Variants in TMEM232 observed in about 807,000 individuals in gnomAD.
TMEM232 encodes the protein transmembrane protein 232.
In TMEM232, 80 loss-of-function variants were observed where a neutral mutation model predicts 78.8. That is an observed-to-expected ratio of 1.01 (90% confidence interval 0.85 to 1.22). The LOEUF is 1.22. TMEM232 is among the 50% of genes most tolerant of loss of function. The probability of loss-of-function intolerance (pLI) is 0.00; values close to 1 mark genes in which losing one functional copy is unlikely to be tolerated. For missense variants in TMEM232, 881 were observed against 742.2 expected, an observed-to-expected ratio of 1.19 and a Z score of -2.17; for synonymous variants, 297 against 254.3, an observed-to-expected ratio of 1.17 and a Z score of -1.60.
chr5:110,426,915 T>A (rs1044544632), intron 12 of TMEM232, among the ~76,000 whole-genome samples: 4 of 151,998 alleles, frequency 2.6e-5, no homozygotes, highest in African/African-American at 9.7e-5. Flanking sequence ...TTCAAGCAAA[T>A]TGCCTAAAAT....
rs988932801 is a variant in TMEM232 at position 110,495,515 on chromosome 5, T to C, written c.1703+33073A>G. Among the ~76,000 whole-genome samples the C allele has an allele frequency of 5.9e-5, 9 of 152,058 alleles. No individual in the cohort carries two copies. The South Asian group carries it at 1.5e-3, about 25-fold the overall frequency. On this transcript the variant is annotated intron_variant, in intron 12 of 13. Transcript: ENST00000455884. ...AATGAAAACATACATCTTGATTAAA[T>C]GAAATATTATATTTACCCCAAATGT... is the stretch of plus-strand genomic sequence containing the variant.
At chr5:110,589,216 A>C (rs1779205511) in intron 10 of TMEM232, among the ~76,000 whole-genome samples, 1 of 152,128 alleles carries the variant, frequency 6.6e-6, no homozygotes, top group Non-Finnish European at 1.5e-5. Flanking sequence ...TAATGAGAAC[A>C]TTTTACTATC....
At chr5:110,603,652 T>A (rs1426084335) in intron 10 of TMEM232, among the ~76,000 whole-genome samples, 1 of 152,160 alleles carries the variant, frequency 6.6e-6, no homozygotes, top group Non-Finnish European at 1.5e-5. Flanking sequence ...AAGAAATGAG[T>A]ACCTTCATTT....
chr5:110,701,178 GATTAAA>G (rs1795405889), intron 1 of TMEM232, among the ~76,000 whole-genome samples: 1 of 151,844 alleles, frequency 6.6e-6, no homozygotes, highest in East Asian at 1.9e-4. Flanking sequence ...TTTTGAATCA[GATTAAA>G]ATTAAAATTC....
chr5:110,738,152 C>A, upstream of TMEM232: 1 of 1,159,912 alleles, frequency 8.6e-7, no homozygotes, highest in Non-Finnish European at 1.1e-6. Flanking sequence ...CCTGGGCTTC[C>A]AACGAGTTGA....
At chr5:110,572,178 A>C (rs865954161) in intron 10 of TMEM232, among the ~76,000 whole-genome samples, 8 of 152,042 alleles carry the variant, frequency 5.3e-5, no homozygotes, top group Non-Finnish European at 1.0e-4. Context: ...TAGAAGAGTC[A>C]CTTTTAAGAA....
chr5:110,671,870 T>C (rs912824583), intron 1 of TMEM232, among the ~76,000 whole-genome samples: 10 of 152,158 alleles, frequency 6.6e-5, no homozygotes, highest in African/African-American at 1.4e-4. Flanking sequence ...GATCTGCACA[T>C]GTATCCCAAA....
chr5:110,630,925 T>A (rs557540572), intron 5 of TMEM232, among the ~76,000 whole-genome samples: 41 of 152,202 alleles, frequency 2.7e-4, no homozygotes, highest in African/African-American at 9.6e-4. Flanking sequence ...GACAGTGAGC[T>A]AGAGACCCCT....
At chr5:110,525,626 ATT>A (rs1042583471) in intron 12 of TMEM232, among the ~76,000 whole-genome samples, 1 of 151,992 alleles carries the variant, frequency 6.6e-6, no homozygotes, top group African/African-American at 2.4e-5. Flanking sequence ...TCTAAAGTTA[ATT>A]TTTTTAAGTG....
intron 1 of TMEM232, among the ~76,000 whole-genome samples, chr5:110,696,583 C>A (rs1265191718): frequency 6.6e-6 from 1 of 152,168 alleles, no homozygotes; most frequent in African/African-American, 2.4e-5. Context: ...TCTCCTTAAG[C>A]TGATAAGCAA....
At chr5:110,499,630 C>A (rs866449142) in intron 12 of TMEM232, among the ~76,000 whole-genome samples, 23 of 126,232 alleles carry the variant, frequency 1.8e-4, no homozygotes, top group Middle Eastern at 3.6e-3. Context: ...TGTATACACC[C>A]CCCCCCACAC....
intron 10 of TMEM232, among the ~76,000 whole-genome samples, chr5:110,581,088 C>T (rs1402025376): frequency 6.6e-6 from 1 of 151,380 alleles, no homozygotes; most frequent in Non-Finnish European, 1.5e-5. Flanking sequence ...CTATACTGCC[C>T]AAAGCAATAT....
chr5:110,636,012 G>GT (rs1251343822), intron 5 of TMEM232, among the ~76,000 whole-genome samples: 1 of 151,904 alleles, frequency 6.6e-6, no homozygotes, highest in Non-Finnish European at 1.5e-5. Flanking sequence ...TGGAATTAAC[G>GT]TAAGTATCCA....
intron 10 of TMEM232, among the ~76,000 whole-genome samples, chr5:110,604,359 A>G (rs1158085653): frequency 6.6e-6 from 1 of 152,186 alleles, no homozygotes; most frequent in Non-Finnish European, 1.5e-5. Flanking sequence ...GTCCTGAGAC[A>G]TAAGACAGCT....
chr5:110,519,644 T>C (rs988084260), intron 12 of TMEM232, among the ~76,000 whole-genome samples: 1 of 151,656 alleles, frequency 6.6e-6, no homozygotes, highest in Non-Finnish European at 1.5e-5. Flanking sequence ...AGAAAGAAAA[T>C]CAGTATATCA....
At chr5:110,475,191 A>G (rs1014557264) in intron 12 of TMEM232, among the ~76,000 whole-genome samples, 1 of 151,976 alleles carries the variant, frequency 6.6e-6, no homozygotes, top group Non-Finnish European at 1.5e-5. Flanking sequence ...ATATACAGTT[A>G]TGCCAATTCT....
intron 11 of TMEM232, among the ~76,000 whole-genome samples, chr5:110,535,560 T>C (rs1772225260): frequency 6.6e-6 from 1 of 152,200 alleles, no homozygotes; most frequent in Non-Finnish European, 1.5e-5. Flanking sequence ...ATGTATACAA[T>C]TTTATTCTTC....
intron 1 of TMEM232, among the ~76,000 whole-genome samples, chr5:110,736,732 A>G (rs1021234688): frequency 3.9e-5 from 6 of 151,996 alleles, no homozygotes; most frequent in Admixed American, 6.6e-5. Flanking sequence ...TAAAACATCA[A>G]TACAGTCACA....
chr5:110,688,305 C>T (rs1468295630), intron 1 of TMEM232, among the ~76,000 whole-genome samples: 2 of 152,072 alleles, frequency 1.3e-5, no homozygotes, highest in African/African-American at 4.8e-5. Flanking sequence ...AAAGCTGAAG[C>T]TGCCTTATAT....
Sources: gnomAD v4.1 joint callset for allele counts (sites outside exome capture counted in the v4.1 genomes callset) on GRCh38, gnomAD v4.1.1 for gene constraint, MANE v1.5 for transcripts, NCBI Gene and HGNC (gene_info 2026-07-23, HGNC 2026-07-21) for gene names.